The following EXOC3 variants were observed in gnomAD, a reference collection of about 807,000 sequenced individuals.
EXOC3 encodes SEC6-like 1.
Under a neutral mutation model 73.7 loss-of-function variants are expected in EXOC3, and 21 were observed. The observed-to-expected ratio is 0.29, with a 90% confidence interval of 0.20 to 0.41. The LOEUF (loss-of-function observed/expected upper bound fraction) is 0.41, where lower values mean the gene tolerates loss of function less well. EXOC3 is among the 10% of genes least tolerant of loss of function. EXOC3 has a pLI of 1.00. For synonymous variants in EXOC3, 410 were observed against 389.1 expected (o/e 1.05, Z -0.63); for missense variants, 842 against 985.1 (o/e 0.85, Z 1.95).
At chr5:451,287 T>G (rs1173355735) in intron 3 of EXOC3, among the ~76,000 whole-genome samples, 1 of 152,236 alleles carries the variant, frequency 6.6e-6, no homozygotes, top group Non-Finnish European at 1.5e-5. Flanking sequence ...TATATCAACT[T>G]AACTTCAATA....
chr5:447,469 G>T (rs996090270), intron 2 of EXOC3, 64 bp from the exon 3 acceptor site: 2 of 1,229,164 alleles, frequency 1.6e-6, no homozygotes, highest in Admixed American at 2.8e-5. Context: ...GGGAAGATTT[G>T]TTCTTCAGGA....
At chr5:465,062 T>C in intron 10 of EXOC3, 49 bp from the exon 11 acceptor site, 2 of 1,491,912 alleles carry the variant, frequency 1.3e-6, no homozygotes, top group South Asian at 1.3e-5. Context: ...AGGGTGCTCC[T>C]GGCCGCCAGA....
intron 4 of EXOC3, among the ~76,000 whole-genome samples, chr5:454,289 C>T (rs1363909736): frequency 1.6e-4 from 24 of 152,268 alleles, no homozygotes; most frequent in Admixed American, 1.5e-3. Context: ...CTCCAGCCCC[C>T]GTTGAGCTTG....
chr5:465,642 G>GC, intron 11 of EXOC3, 76 bp from the exon 12 acceptor site: 1 of 1,579,876 alleles, frequency 6.3e-7, no homozygotes, highest in Non-Finnish European at 8.6e-7. Context: ...TCAGGAAGGG[G>GC]CTCAGCCAGA....
chr5:458,871 G>T (rs1737900393), intron 6 of EXOC3, among the ~76,000 whole-genome samples: 1 of 152,184 alleles, frequency 6.6e-6, no homozygotes, highest in Non-Finnish European at 1.5e-5. Flanking sequence ...CCTTTCCTTT[G>T]TTTGGAAACA....
rs555469211 is a variant in EXOC3, at chr5:446,302, C to A, written c.97C>A (p.Arg33Ser). ...CCAGCTGGACAAGGTGGAGCAGTAT[C>A]GCAGGAGAGAAGCGCGGAAGAAGGC... ...PDQLDKVEQYRRREARKKASV... is the reference protein window; with the variant it reads ...PDQLDKVEQYSRREARKKASV... Residue 33 changes from arginine to serine, a missense_variant, in exon 2 of 13, where the codon CGC becomes AGC. Physicochemically the swap from Arg to Ser is moderately radical, Grantham distance 110 (BLOSUM62 -1). Transcript: ENST00000512944. 6.8e-6 allele frequency: 11 copies of A among 1,613,616 alleles called. No homozygotes were observed. The highest frequency in any genetic ancestry group is 5.1e-6 in the Non-Finnish European group (6 of 1,179,770).
At chr5:464,492 C>T in intron 10 of EXOC3, 80 bp downstream of exon 10, 7 of 1,472,696 alleles carry the variant, frequency 4.8e-6, no homozygotes, top group Non-Finnish European at 6.6e-6. Context: ...CAGCATCCAG[C>T]GAGTCCCTCC....
intron 7 of EXOC3, among the ~76,000 whole-genome samples, chr5:460,181 G>A (rs1395939471): frequency 1.3e-5 from 2 of 152,250 alleles, no homozygotes; most frequent in African/African-American, 2.4e-5. Flanking sequence ...TATCTCAAGT[G>A]TGTCTTTTGA....
Position 459,479 on chromosome 5 carries a change from T to C in EXOC3, c.1391+20T>C, listed in dbSNP as rs182873651. ...AAGCAGGTATGTCTTTCTGCCAGTG[T>C]GCTAATGTACACATTGAATGTTTTT... On this transcript the variant is annotated intron_variant, in intron 7 of 12. Transcript: ENST00000512944. The C allele has an allele frequency of 9.1e-6, 12 of 1,318,202 alleles. No individual in the cohort carries two copies. The Admixed American group carries it at 2.5e-4, about 27-fold the overall frequency. 81.7% of individuals were successfully genotyped at this position (1,318,202 alleles called of 1,614,324 possible).
intron 2 of EXOC3, chr5:446,934 G>A (rs746504384): frequency 6.8e-6 from 1 of 147,442 alleles, no homozygotes. Context: ...ACTGGAGGAA[G>A]GAGAAGTAGT....
chr5:459,327 A>C, intron 6 of EXOC3, 32 bp from the exon 7 acceptor site: 16 of 1,246,256 alleles, frequency 1.3e-5, no homozygotes, highest in Non-Finnish European at 1.7e-5. Flanking sequence ...CTGTAAGATT[A>C]TACCAGAATT....
At chr5:452,970 C>T (rs376388388) in intron 3 of EXOC3, among the ~76,000 whole-genome samples, 14 of 152,330 alleles carry the variant, frequency 9.2e-5, no homozygotes, top group Admixed American at 2.6e-4. Flanking sequence ...CTTACCTCTT[C>T]GCACCTCTGT....
chr5:445,986 GGTTT>G (rs1288447650), intron 1 of EXOC3, among the ~76,000 whole-genome samples, 160 bp from the exon 2 acceptor site: 4 of 152,152 alleles, frequency 2.6e-5, no homozygotes, highest in African/African-American at 9.7e-5. Context: ...GTGTTACGAA[GGTTT>G]GTTTATCTTA....
At position 453,970 on chromosome 5, in the gene EXOC3, G is replaced by A. The variant is rs1291780312; in HGVS notation, c.965G>A (p.Arg322Gln). The A allele has an allele frequency of 1.1e-5, 17 of 1,613,814 alleles. No individual in the cohort carries two copies. Among genetic ancestry groups the A allele is most frequent in the Admixed American group, 1.7e-5 (1 of 59,992 alleles). Residue 322 changes from arginine to glutamine, a missense_variant, in exon 4 of 13, where the codon CGG becomes CAG. Coordinates refer to ENST00000512944, the MANE Select transcript of EXOC3 (RefSeq NM_007277.5). ...ATGTACCACCAAGCCCTGAGCACGC[G>A]GATGCAGGACCTCGCATCGGAAGAC... ...LNMYHQALST[R>Q]MQDLASEDLE...
At chr5:463,155 G>T (rs1224895731) in intron 9 of EXOC3, among the ~76,000 whole-genome samples, 4 of 152,146 alleles carry the variant, frequency 2.6e-5, no homozygotes, top group Non-Finnish European at 5.9e-5. Context: ...TGGTGGTCCT[G>T]CTGGAAAGGG....
chr5:465,722 T>G lies in EXOC3; in HGVS notation c.1943T>G (p.Phe648Cys). ...CACATTGCTGCTGCCTTCCAGGGTT[T>G]CGGGGAAGACGTGGACGGATACTGC... ...RFLFRKLASGFGEDVDGYCDT... is the reference protein window; with the variant it reads ...RFLFRKLASGCGEDVDGYCDT... The change falls in exon 12 of 13, where the codon TTC (phenylalanine) becomes TGC (cysteine). Residue 648 changes from phenylalanine to cysteine, a missense_variant. Phe to Cys is a radical substitution (Grantham distance 205). Transcript: ENST00000512944. The G allele has an allele frequency of 3.1e-6, 5 of 1,613,810 alleles. No homozygotes were observed. The highest frequency in any genetic ancestry group is 4.2e-6 in the Non-Finnish European group (5 of 1,179,862).
At chr5:457,342 G>T (rs1235083651) in intron 5 of EXOC3, 2 of 334,738 alleles carry the variant, frequency 6.0e-6, no homozygotes, top group African/African-American at 4.2e-5. Context: ...GGGGGGGTCC[G>T]TCAAGGACCA....
At chr5:448,077 T>G (rs768402021) in intron 3 of EXOC3, among the ~76,000 whole-genome samples, 1 of 152,038 alleles carries the variant, frequency 6.6e-6, no homozygotes, top group African/African-American at 2.4e-5. Context: ...TGCAGAAGAA[T>G]GAAGACGCCG....
At chr5:465,024 A>G (rs1738098759) in intron 10 of EXOC3, 87 bp from the exon 11 acceptor site, 2 of 1,385,384 alleles carry the variant, frequency 1.4e-6, no homozygotes, top group East Asian at 2.5e-5. Flanking sequence ...CCGGGGAGCC[A>G]CCGGGAGCCC....
Sources: allele counts gnomAD v4.1 joint callset (sites outside exome capture counted in the v4.1 genomes callset), GRCh38; gene constraint gnomAD v4.1.1; transcripts MANE v1.5; gene names NCBI Gene and HGNC (gene_info 2026-07-23, HGNC 2026-07-21).